Variants in GSE1 observed in about 807,000 individuals in gnomAD.
GSE1 encodes genetic suppressor element 1.
A neutral mutation model predicts 112.6 loss-of-function variants in GSE1; 32 were observed. That is an observed-to-expected ratio of 0.28 (90% CI 0.21 to 0.38). GSE1 has a LOEUF of 0.38. Ranked by LOEUF, GSE1 falls within the 10% of genes least tolerant of loss-of-function variation. GSE1 has a pLI of 1.00. For missense variants in GSE1, 2,348 were observed against 1,699.2 expected (o/e 1.38, Z -6.71); for synonymous variants, 1,115 against 735.6 (o/e 1.52, Z -8.35).
chr16:85,511,280 A>C (rs561987488), intron 2 of GSE1, among the ~76,000 whole-genome samples: 195 of 152,350 alleles, frequency 1.3e-3, no homozygotes, highest in Admixed American at 2.2e-3. Context: ...TAATCCCAGC[A>C]CTTTGGGAGG....
intron 1 of GSE1, among the ~76,000 whole-genome samples, chr16:85,574,469 G>A (rs1313495924): frequency 6.6e-6 from 1 of 152,212 alleles, no homozygotes; most frequent in Non-Finnish European, 1.5e-5. Context: ...TACTCCCTGC[G>A]CGTCAGCAGT....
chr16:85,384,967 G>A (rs2047654480), intron 2 of GSE1, among the ~76,000 whole-genome samples: 1 of 152,252 alleles, frequency 6.6e-6, no homozygotes. Context: ...TTAGCGTGCT[G>A]TGCACACCTG....
chr16:85,318,997 A>G (rs894922879), intron 1 of GSE1, among the ~76,000 whole-genome samples: 2 of 152,186 alleles, frequency 1.3e-5, no homozygotes, highest in South Asian at 2.1e-4. Context: ...ATGGCGCATC[A>G]CCTGGTGTCT....
chr16:85,646,097 T>C (rs1016335397), intron 2 of GSE1, among the ~76,000 whole-genome samples: 4 of 124,160 alleles, frequency 3.2e-5, no homozygotes, highest in Non-Finnish European at 6.5e-5. Context: ...CCACGCTTCC[T>C]ATGCATGCAT....
At chr16:85,632,137 T>G (rs1169738269) in intron 1 of GSE1, among the ~76,000 whole-genome samples, 1 of 151,976 alleles carries the variant, frequency 6.6e-6, no homozygotes, top group South Asian at 2.1e-4. Flanking sequence ...AGGATGGGGG[T>G]GCAGGTCCCC....
chr16:85,649,013 T>G (rs895227299), intron 3 of GSE1, among the ~76,000 whole-genome samples: 3 of 152,262 alleles, frequency 2.0e-5, no homozygotes, highest in African/African-American at 7.2e-5. Flanking sequence ...TTTTCTCCTG[T>G]TCTGGAGGCC....
chr16:85,521,403 G>A (rs903629273), intron 2 of GSE1, among the ~76,000 whole-genome samples: 11 of 152,112 alleles, frequency 7.2e-5, no homozygotes, highest in East Asian at 1.9e-4. Context: ...ATCCACTGCC[G>A]TCCTCCCAGC....
intron 1 of GSE1, among the ~76,000 whole-genome samples, chr16:85,589,403 G>A (rs2046867793): frequency 6.6e-6 from 1 of 152,190 alleles, no homozygotes; most frequent in South Asian, 2.1e-4. Flanking sequence ...GCAGGGCCTG[G>A]GCTGGGTGGG....
chr16:85,484,139 C>G (rs1440234598), intron 2 of GSE1, among the ~76,000 whole-genome samples: 1 of 152,232 alleles, frequency 6.6e-6, no homozygotes, highest in African/African-American at 2.4e-5. Context: ...GGAATATGCC[C>G]CTTCATAGAA....
intron 2 of GSE1, among the ~76,000 whole-genome samples, chr16:85,492,576 C>T (rs1043994067): frequency 2.6e-5 from 4 of 152,156 alleles, no homozygotes; most frequent in Non-Finnish European, 4.4e-5. Flanking sequence ...TACAGATGGA[C>T]GACTAGGGCC....
In GSE1 at chr16:85,654,393, A is replaced by G. The variant is rs865773886; in HGVS notation, c.542A>G (p.Tyr181Cys). The G allele has an allele frequency of 6.2e-7, 1 of 1,602,332 alleles. No homozygotes were observed. Among genetic ancestry groups the G allele is most frequent in the East Asian group, 2.2e-5 (1 of 44,696 alleles). Residue 181 changes from tyrosine (Y) to cysteine (C), a missense_variant, in exon 4 of 16, where the codon TAC (tyrosine) becomes TGC (cysteine). By Grantham distance (194) the Tyr-to-Cys change is radical. Coordinates refer to ENST00000253458, the MANE Select transcript of GSE1 (RefSeq NM_014615.5). ...CCCTCGCACCTGCTCAGCACCCCCT[A>G]CCCCTTCGGCCTCTCCCCCAGCTCA... ...AIPSHLLSTPYPFGLSPSSVV... is the reference protein window; with the variant it reads ...AIPSHLLSTPCPFGLSPSSVV...
intron 1 of GSE1, among the ~76,000 whole-genome samples, chr16:85,237,567 G>C (rs955753414): frequency 6.6e-6 from 1 of 151,716 alleles, no homozygotes; most frequent in Non-Finnish European, 1.5e-5. Context: ...GGCTGGGCAC[G>C]GTGGCTCACA....
intron 1 of GSE1, among the ~76,000 whole-genome samples, chr16:85,299,960 CA>C (rs949945383): frequency 1.4e-5 from 2 of 147,092 alleles, no homozygotes; most frequent in South Asian, 2.1e-4. Context: ...AACAACCCAA[CA>C]AAAAAAGCTT....
At chr16:85,436,163 C>T (rs1157852041) in intron 2 of GSE1, among the ~76,000 whole-genome samples, 1 of 152,204 alleles carries the variant, frequency 6.6e-6, no homozygotes, top group Admixed American at 6.5e-5. Flanking sequence ...AATGGGGTAG[C>T]TCCTTGAACT....
chr16:85,645,026 C>A (rs1386292105), intron 2 of GSE1, among the ~76,000 whole-genome samples: 1 of 151,850 alleles, frequency 6.6e-6, no homozygotes, highest in East Asian at 1.9e-4. Flanking sequence ...CCTGTCCCCA[C>A]CCTCTGCCCC....
chr16:85,455,343 C>T (rs182023493), intron 2 of GSE1, among the ~76,000 whole-genome samples: 6 of 152,110 alleles, frequency 3.9e-5, no homozygotes, highest in Non-Finnish European at 7.4e-5. Context: ...GCCACTGCCA[C>T]TCCAGCCTGG....
chr16:85,193,971 G>A (rs940818754), intron 1 of GSE1, among the ~76,000 whole-genome samples: 3 of 152,034 alleles, frequency 2.0e-5, no homozygotes, highest in Non-Finnish European at 4.4e-5. Flanking sequence ...GTGTGTGTGC[G>A]CGCGCGTGTT....
intron 2 of GSE1, among the ~76,000 whole-genome samples, chr16:85,402,755 C>G (rs768039927): frequency 1.1e-4 from 16 of 152,034 alleles, no homozygotes; most frequent in Non-Finnish European, 2.2e-4. Context: ...AACCCTGTCT[C>G]TACAAAAAAT....
Position 85,672,550 on chromosome 16 carries a change from T to A in GSE1, c.*11T>A, listed in dbSNP as rs752219666. On this transcript the variant is annotated 3_prime_UTR_variant, in exon 16 of 16. Transcript: ENST00000253458. ...GGATATCCCAGGTGACGGTTTCCCTTGCACTAGGCCGAACCTATAGTATAG... is the reference window on the plus strand; with the variant it reads ...GGATATCCCAGGTGACGGTTTCCCTAGCACTAGGCCGAACCTATAGTATAG... The A allele has an allele frequency of 3.4e-5, 54 of 1,586,394 alleles. No homozygotes were observed. Among genetic ancestry groups the A allele is most frequent in the Non-Finnish European group, 4.5e-5 (52 of 1,158,786 alleles).
Sources: gnomAD v4.1 joint callset for allele counts (sites outside exome capture counted in the v4.1 genomes callset) on GRCh38, gnomAD v4.1.1 for gene constraint, MANE v1.5 for transcripts, NCBI Gene and HGNC (gene_info 2026-07-23, HGNC 2026-07-21) for gene names.